The following CKAP5 variants were observed in gnomAD, a reference collection of about 807,000 sequenced individuals.
CKAP5 encodes the protein cytoskeleton associated protein 5.
CKAP5 carries 27 observed loss-of-function variants against 232.8 expected under a neutral mutation model. The observed-to-expected ratio is 0.12, with a 90% CI of 0.09 to 0.16. CKAP5 has a LOEUF of 0.16. Among genes scored for constraint, CKAP5 ranks in the 10% least tolerant of loss-of-function variants. CKAP5 has a pLI of 1.00. For missense variants in CKAP5, 1,838 were observed against 2,424.7 expected, an observed-to-expected ratio of 0.76 and a Z score of 5.08; for synonymous variants, 785 against 841.1, an observed-to-expected ratio of 0.93 and a Z score of 1.16.
chr11:46,812,754 C>CA lies in CKAP5; in HGVS notation c.459-1577dup, dbSNP rs553851560. 1.8e-3 allele frequency among the ~76,000 whole-genome samples: 278 copies of CA among 152,214 alleles called. 1 individual carries two copies. Among genetic ancestry groups the CA allele is most frequent in the African/African-American group, 6.4e-3 (267 of 41,546 alleles). Reference sequence around the variant, plus strand: ...CCCTGCTCAAGCTATTCTCCAGACTCAGTCCCCCAAGCAGCTGAGACTACA... The same window carrying CA: ...CCCTGCTCAAGCTATTCTCCAGACTCAAGTCCCCCAAGCAGCTGAGACTACA... On this transcript the variant is annotated intron_variant, in intron 4 of 43. Coordinates refer to ENST00000529230, the MANE Select transcript of CKAP5 (RefSeq NM_001008938.4).
intron 1 of CKAP5, among the ~76,000 whole-genome samples, chr11:46,830,656 G>A (rs2134707290): frequency 6.6e-6 from 1 of 152,116 alleles, no homozygotes; most frequent in Non-Finnish European, 1.5e-5. Context: ...AATAAATCCT[G>A]TTTTTTTAAG....
At chr11:46,823,808 A>G (rs1939596148) in intron 1 of CKAP5, among the ~76,000 whole-genome samples, 1 of 152,154 alleles carries the variant, frequency 6.6e-6, no homozygotes. Context: ...TTTTGTAGAG[A>G]TGGGGTCTTA....
intron 34 of CKAP5, 81 bp downstream of exon 34, chr11:46,759,188 G>C: frequency 6.6e-7 from 1 of 1,516,970 alleles, no homozygotes; most frequent in Non-Finnish European, 9.0e-7. Context: ...AGTTTTAACT[G>C]CACATTACAA....
At chr11:46,830,605 A>G (rs1348439030) in intron 1 of CKAP5, among the ~76,000 whole-genome samples, 1 of 152,128 alleles carries the variant, frequency 6.6e-6, no homozygotes, top group South Asian at 2.1e-4. Context: ...ATGTAGGTCC[A>G]TAAGACTCAT....
chr11:46,788,168 T>G (rs2065414205), intron 16 of CKAP5, among the ~76,000 whole-genome samples: 1 of 152,142 alleles, frequency 6.6e-6, no homozygotes, highest in African/African-American at 2.4e-5. Flanking sequence ...GAGTCCAGAG[T>G]TATATGTGAA....
At chr11:46,829,042 T>A (rs1224433207) in intron 1 of CKAP5, among the ~76,000 whole-genome samples, 1 of 152,162 alleles carries the variant, frequency 6.6e-6, no homozygotes, top group South Asian at 2.1e-4. Context: ...ACACAAAAAA[T>A]GAGACATTCG....
chr11:46,786,502 C>T (rs936029836), intron 16 of CKAP5, among the ~76,000 whole-genome samples: 1 of 152,184 alleles, frequency 6.6e-6, no homozygotes, highest in African/African-American at 2.4e-5. Flanking sequence ...GCCCTATCCC[C>T]AGGGATTTTG....
chr11:46,840,673 T>C (rs917214926), intron 1 of CKAP5, among the ~76,000 whole-genome samples: 2 of 152,298 alleles, frequency 1.3e-5, no homozygotes, highest in Non-Finnish European at 1.5e-5. Context: ...AGAGAGGGCA[T>C]GGAAGCTCCA....
chr11:46,767,651 T>C lies in CKAP5; in HGVS notation c.3335A>G (p.Asp1112Gly), dbSNP rs2065213423. 3 of 1,608,544 alleles carry C rather than the reference T, an allele frequency of 1.9e-6. No individual in the cohort carries two copies. The highest frequency in any genetic ancestry group is 1.7e-6 in the Non-Finnish European group (2 of 1,176,948). The part of the protein sequence containing the change: ...KFQPASAPAE[D>G]CISSSTEPKP... Reference sequence around the variant, plus strand: ...GGGTTCTGTACTGCTGGAAATACAATCTTCAGCAGGTGCTTTGAGGAAAAA... The same window carrying C: ...GGGTTCTGTACTGCTGGAAATACAACCTTCAGCAGGTGCTTTGAGGAAAAA... Residue 1112 changes from aspartate to glycine, a missense_variant, in exon 27 of 44, where the codon GAT becomes GGT. Coordinates refer to ENST00000529230, the MANE Select transcript of CKAP5 (RefSeq NM_001008938.4).
chr11:46,841,735 T>C (rs1237998912), intron 1 of CKAP5, among the ~76,000 whole-genome samples: 1 of 152,102 alleles, frequency 6.6e-6, no homozygotes, highest in Non-Finnish European at 1.5e-5. Flanking sequence ...GCACGGTGGC[T>C]CACGCCTGTA....
chr11:46,769,174 C>T (rs904764390), intron 26 of CKAP5, among the ~76,000 whole-genome samples: 1 of 152,162 alleles, frequency 6.6e-6, no homozygotes, highest in Non-Finnish European at 1.5e-5. Context: ...TGGCCTTGGC[C>T]TCCCAAAGTG....
Position 46,755,011 on chromosome 11 carries a change from A to T in CKAP5, c.4746T>A (p.Asp1582Glu). The T allele has an allele frequency of 6.2e-7, 1 of 1,613,832 alleles. No individual in the cohort carries two copies. Among genetic ancestry groups the T allele is most frequent in the Non-Finnish European group, 8.5e-7 (1 of 1,179,900 alleles). The change falls in exon 36 of 44, where the codon GAT becomes GAA. Residue 1582 changes from aspartate (D) to glutamate (E), a missense_variant. Asp to Glu is a conservative substitution (Grantham distance 45). Around this residue, in one of 6 missense-constraint regions of CKAP5, gnomAD observed 579 missense variants for 843.2 expected, o/e 0.69. Coordinates refer to ENST00000529230, the MANE Select transcript of CKAP5 (RefSeq NM_001008938.4). ...DKAEAMSGHIDQFLIATFMQL... is the reference protein window; with the variant it reads ...DKAEAMSGHIEQFLIATFMQL... ...GCATAAAAGTGGCTATCAGAAACTG[A>T]TCAATATGGCCGGACATGGCTTCAG...
chr11:46,759,551 G>A (rs1395594077), intron 33 of CKAP5, 109 bp from the exon 34 acceptor site: 1 of 1,090,336 alleles, frequency 9.2e-7, no homozygotes, highest in African/African-American at 1.6e-5. Context: ...TCAACTTCTG[G>A]TTTCAGCCCC....
intron 15 of CKAP5, among the ~76,000 whole-genome samples, chr11:46,789,622 C>G (rs1427090312): frequency 1.3e-5 from 2 of 151,904 alleles, no homozygotes; most frequent in Admixed American, 1.3e-4. Context: ...TGGTGAAACC[C>G]CATCTCTACT....
chr11:46,815,895 C>G (rs1939386656), intron 4 of CKAP5, among the ~76,000 whole-genome samples: 1 of 152,172 alleles, frequency 6.6e-6, no homozygotes, highest in South Asian at 2.1e-4. Flanking sequence ...CTGTTAGGAA[C>G]CAGGCACACA....
At chr11:46,844,710 T>C (rs1940138905) in intron 1 of CKAP5, among the ~76,000 whole-genome samples, 1 of 152,142 alleles carries the variant, frequency 6.6e-6, no homozygotes, top group Non-Finnish European at 1.5e-5. Context: ...GGCGGGATCT[T>C]GGCTCACTGC....
rs761833181 is a variant in CKAP5 at position 46,801,190 on chromosome 11, T to G, written c.1083+10A>C. ...TTGTTGATCTGTATCTAAAAAGGAGTGTTACTTACATGTCCTGCATATTGT... is the reference window on the plus strand; with the variant it reads ...TTGTTGATCTGTATCTAAAAAGGAGGGTTACTTACATGTCCTGCATATTGT... On this transcript the variant is annotated intron_variant, in intron 9 of 43. Coordinates refer to ENST00000529230, the MANE Select transcript of CKAP5 (RefSeq NM_001008938.4). 7.5e-6 allele frequency: 12 copies of G among 1,589,676 alleles called. No individual in the cohort carries two copies. In the African/African-American group the frequency reaches 1.2e-4, roughly 16 times the overall value.
chr11:46,815,358 A>AT (rs1352890545), intron 4 of CKAP5, among the ~76,000 whole-genome samples: 4 of 151,898 alleles, frequency 2.6e-5, no homozygotes, highest in African/African-American at 9.7e-5. Flanking sequence ...ATATTTATTT[A>AT]TTTTTTAAAG....
intron 16 of CKAP5, among the ~76,000 whole-genome samples, chr11:46,786,001 TA>T (rs903162495): frequency 1.5e-4 from 23 of 150,234 alleles, no homozygotes; most frequent in Admixed American, 1.2e-3. Flanking sequence ...TTTAAAAAAT[TA>T]AAAAAAAAAT....
Sources: allele counts gnomAD v4.1 joint callset (sites outside exome capture counted in the v4.1 genomes callset), GRCh38; gene constraint gnomAD v4.1.1; regional missense constraint gnomAD v4.1.1; transcripts MANE v1.5; gene names NCBI Gene and HGNC (gene_info 2026-07-23, HGNC 2026-07-21).